COL22A1: variants seen among roughly 807,000 people sequenced by gnomAD.
The protein encoded by COL22A1 is collagen type XXII alpha 1 chain.
A neutral mutation model predicts 248.9 loss-of-function variants in COL22A1; 221 were observed. The ratio of observed to expected loss-of-function variants is 0.89; its 90% confidence interval spans 0.80 to 0.99. The LOEUF is 0.99. Among genes scored for constraint, COL22A1 ranks in the 50% least tolerant of loss-of-function variants. COL22A1 has a pLI of 0.00. For synonymous variants in COL22A1, 891 were observed against 793.4 expected (o/e 1.12, Z -2.07); for missense variants, 2,240 against 2,179.0 (o/e 1.03, Z -0.56).
chr8:138,664,016 T>G (rs1387998814), intron 41 of COL22A1, among the ~76,000 whole-genome samples: 2 of 151,636 alleles, frequency 1.3e-5, no homozygotes, highest in African/African-American at 4.8e-5. Context: ...CCAACTCTAC[T>G]TTGTAGCTCT....
At position 138,700,097 on chromosome 8, in the gene COL22A1, A is replaced by G; in HGVS notation, c.2592+15T>C. 5.6e-6 allele frequency: 9 copies of G among 1,612,820 alleles called. No homozygotes were observed. Among genetic ancestry groups the G allele is most frequent in the Non-Finnish European group, 7.6e-6 (9 of 1,179,612 alleles). ...CGAGGCACACTGGGCACCCCGAGGC[A>G]CCGCTACTACTTACGGGCATCCGTG... On this transcript the variant is annotated intron_variant, in intron 32 of 64. Transcript: ENST00000303045.
At chr8:138,662,289 T>C (rs1236495513) in intron 42 of COL22A1, among the ~76,000 whole-genome samples, 1 of 152,178 alleles carries the variant, frequency 6.6e-6, no homozygotes, top group Non-Finnish European at 1.5e-5. Context: ...ACAGAGAGAA[T>C]GCTCTGGAAA....
At chr8:138,828,632 T>C (rs757566573) in intron 5 of COL22A1, among the ~76,000 whole-genome samples, 7 of 151,894 alleles carry the variant, frequency 4.6e-5, no homozygotes, top group Non-Finnish European at 8.8e-5. Flanking sequence ...CCTAATTTCT[T>C]CCTCACGAGA....
intron 47 of COL22A1, among the ~76,000 whole-genome samples, chr8:138,640,473 A>G (rs1821583696): frequency 6.6e-6 from 1 of 151,884 alleles, no homozygotes; most frequent in African/African-American, 2.4e-5. Flanking sequence ...CTGCTTGGAA[A>G]ACCTTTCTCC....
chr8:138,733,576 CAT>C (rs774293411), intron 23 of COL22A1, among the ~76,000 whole-genome samples: 2 of 152,314 alleles, frequency 1.3e-5, no homozygotes, highest in East Asian at 1.9e-4. Flanking sequence ...ACTAAACACA[CAT>C]GTTTCCCTTT....
At chr8:138,601,575 C>T (rs116696100) in intron 60 of COL22A1, among the ~76,000 whole-genome samples, 135 of 152,110 alleles carry the variant, frequency 8.9e-4, no homozygotes, top group African/African-American at 3.0e-3. Context: ...AGAACGCGTC[C>T]GCCTTCCACA....
At chr8:138,904,332 G>C (rs546807953) in intron 1 of COL22A1, among the ~76,000 whole-genome samples, 20 of 151,888 alleles carry the variant, frequency 1.3e-4, no homozygotes, top group Non-Finnish European at 2.2e-4. Flanking sequence ...GCCATCCAGA[G>C]ACACCCCACA....
At chr8:138,801,678 A>T (rs1379546114) in intron 11 of COL22A1, among the ~76,000 whole-genome samples, 1 of 152,208 alleles carries the variant, frequency 6.6e-6, no homozygotes, top group East Asian at 1.9e-4. Flanking sequence ...CAGGAGTTTG[A>T]GACCAGCCTG....
At chr8:138,865,414 T>A (rs1822786729) in intron 3 of COL22A1, among the ~76,000 whole-genome samples, 1 of 147,926 alleles carries the variant, frequency 6.8e-6, no homozygotes, top group African/African-American at 2.5e-5. Flanking sequence ...TGTTTGTGTA[T>A]GTTTGTAGGC....
At chr8:138,744,592 C>T (rs1183756734) in intron 22 of COL22A1, among the ~76,000 whole-genome samples, 4 of 152,162 alleles carry the variant, frequency 2.6e-5, no homozygotes, top group African/African-American at 9.7e-5. Flanking sequence ...TCACTACCTA[C>T]AGCCTGGGTA....
chr8:138,656,043 T>G, intron 44 of COL22A1, 99 bp from the exon 45 acceptor site: 3 of 953,062 alleles, frequency 3.1e-6, no homozygotes, highest in Non-Finnish European at 5.0e-6. Context: ...TGTGACACAA[T>G]ACGTGACACA....
intron 4 of COL22A1, among the ~76,000 whole-genome samples, chr8:138,838,391 C>A (rs571318868): frequency 6.6e-6 from 1 of 152,066 alleles, no homozygotes; most frequent in Non-Finnish European, 1.5e-5. Flanking sequence ...TGGGCGGACA[C>A]GTGCCTACCC....
intron 13 of COL22A1, among the ~76,000 whole-genome samples, chr8:138,779,892 AG>A: frequency 6.6e-6 from 1 of 152,174 alleles, no homozygotes; most frequent in East Asian, 1.9e-4. Context: ...CAGCTTCCCA[AG>A]TAGCCTGGAC....
chr8:138,657,018 G>A (rs1393603814), intron 44 of COL22A1, among the ~76,000 whole-genome samples: 1 of 152,194 alleles, frequency 6.6e-6, no homozygotes, highest in East Asian at 1.9e-4. Flanking sequence ...GGTAACTGCT[G>A]CAGTGGCCTG....
chr8:138,731,769 A>C (rs1026040448), intron 23 of COL22A1, among the ~76,000 whole-genome samples: 4 of 151,976 alleles, frequency 2.6e-5, no homozygotes, highest in African/African-American at 7.3e-5. Flanking sequence ...ATAAGAGAAC[A>C]CTCTGTAACA....
intron 30 of COL22A1, among the ~76,000 whole-genome samples, chr8:138,707,226 C>T (rs1828541516): frequency 1.3e-5 from 2 of 152,200 alleles, no homozygotes; most frequent in Admixed American, 6.5e-5. Flanking sequence ...GAGCTGGTAC[C>T]ATTCCTTCTG....
At chr8:138,827,883 C>T (rs1231807960) in intron 5 of COL22A1, among the ~76,000 whole-genome samples, 2 of 151,894 alleles carry the variant, frequency 1.3e-5, no homozygotes, top group African/African-American at 2.4e-5. Context: ...CATGCAGCCT[C>T]TCCTGATTGC....
At chr8:138,706,912 G>A (rs140925597) in intron 30 of COL22A1, among the ~76,000 whole-genome samples, 2,020 of 152,172 alleles carry the variant, frequency 0.013, 20 homozygotes, top group Middle Eastern at 0.048. Context: ...AAGAAGAGAA[G>A]AGAGAGAATC....
chr8:138,893,467 G>A (rs1825202148), intron 1 of COL22A1, among the ~76,000 whole-genome samples: 1 of 152,224 alleles, frequency 6.6e-6, no homozygotes, highest in Non-Finnish European at 1.5e-5. Flanking sequence ...AGCCTAAAAT[G>A]TACCTGGACA....
Sources: gnomAD v4.1 joint callset for allele counts (sites outside exome capture counted in the v4.1 genomes callset) on GRCh38, gnomAD v4.1.1 for gene constraint, MANE v1.5 for transcripts, NCBI Gene and HGNC (gene_info 2026-07-23, HGNC 2026-07-21) for gene names.